NRG1: variants seen among roughly 807,000 people sequenced by gnomAD.
The protein encoded by NRG1 is pro-neuregulin-1, membrane-bound isoform.
A neutral mutation model predicts 63.8 loss-of-function variants in NRG1; 18 were observed. The observed-to-expected ratio is 0.28, with a 90% CI of 0.19 to 0.42. NRG1 has a LOEUF of 0.42. Among genes scored for constraint, NRG1 ranks in the 10% least tolerant of loss-of-function variants. The pLI, the probability that NRG1 is intolerant of heterozygous loss-of-function variation, is 1.00. For missense variants in NRG1, 762 were observed against 814.7 expected (o/e 0.94, Z 0.79); for synonymous variants, 302 against 301.3 (o/e 1.00, Z -0.02).
At chr8:32,519,816 G>A (rs1830164785) in intron 1 of NRG1, among the ~76,000 whole-genome samples, 1 of 152,104 alleles carries the variant, frequency 6.6e-6, no homozygotes, top group Non-Finnish European at 1.5e-5. Flanking sequence ...TTTGGTAAAA[G>A]TAACTTTTTC....
At chr8:32,656,671 C>A (rs748229099) in intron 5 of NRG1, among the ~76,000 whole-genome samples, 3 of 152,124 alleles carry the variant, frequency 2.0e-5, no homozygotes, top group African/African-American at 4.8e-5. Context: ...AAGTATAATA[C>A]CTTTGCTGCA....
chr8:32,153,604 C>A (rs1348257408), intron 1 of NRG1, among the ~76,000 whole-genome samples: 1 of 152,116 alleles, frequency 6.6e-6, no homozygotes, highest in Admixed American at 6.6e-5. Context: ...TGTGAATGCA[C>A]CAAATCTCAT....
chr8:32,733,680 A>G (rs544247449), intron 6 of NRG1, among the ~76,000 whole-genome samples: 13 of 152,196 alleles, frequency 8.5e-5, no homozygotes, highest in Non-Finnish European at 1.5e-4. Context: ...CAGAGAAAAT[A>G]TAAGGAATGG....
At chr8:32,171,867 G>A (rs1317236253) in intron 1 of NRG1, among the ~76,000 whole-genome samples, 1 of 152,178 alleles carries the variant, frequency 6.6e-6, no homozygotes, top group Non-Finnish European at 1.5e-5. Flanking sequence ...ACTGGGTGGA[G>A]CCAACCGCAG....
chr8:32,664,581 A>C (rs545562100), intron 5 of NRG1, among the ~76,000 whole-genome samples: 17 of 152,216 alleles, frequency 1.1e-4, no homozygotes, highest in East Asian at 1.9e-4. Context: ...CACACACACA[A>C]AAAAAACATT....
chr8:31,888,152 T>C (rs1585519924), intron 1 of NRG1, among the ~76,000 whole-genome samples: 1 of 152,040 alleles, frequency 6.6e-6, no homozygotes, highest in African/African-American at 2.4e-5. Flanking sequence ...TGTGTGTCTA[T>C]GTACAAAAAG....
intron 3 of NRG1, among the ~76,000 whole-genome samples, chr8:32,607,525 T>G (rs778553732): frequency 2.6e-5 from 4 of 152,212 alleles, no homozygotes; most frequent in Non-Finnish European, 4.4e-5. Context: ...TTTACAGGAT[T>G]AAGCAATGAA....
In NRG1 at chr8:32,605,552, G is replaced by A; in HGVS notation, c.279-10G>A. ...TATATACTGACACCACTTTGGTCCT[G>A]ATCTTATAGGAAGTCAGAACTTCGC... On this transcript the variant is annotated splice_polypyrimidine_tract_variant and intron_variant, in intron 2 of 11. Coordinates refer to ENST00000356819, the Ensembl canonical transcript of NRG1. The A allele has an allele frequency of 6.2e-7, 1 of 1,612,752 alleles. No individual in the cohort carries two copies. The highest frequency in any genetic ancestry group is 8.5e-7 in the Non-Finnish European group (1 of 1,179,150).
At chr8:32,332,748 C>A (rs180922488) in intron 1 of NRG1, among the ~76,000 whole-genome samples, 253 of 152,290 alleles carry the variant, frequency 1.7e-3, no homozygotes, top group Non-Finnish European at 1.2e-3. Context: ...GAGTCTGGCT[C>A]CACAACAGGT....
At chr8:31,911,520 T>C (rs1483407670) in intron 1 of NRG1, among the ~76,000 whole-genome samples, 3 of 152,094 alleles carry the variant, frequency 2.0e-5, no homozygotes, top group African/African-American at 7.2e-5. Flanking sequence ...CACTTATAAG[T>C]GGGAGCGAAA....
chr8:32,055,260 T>A (rs191891197), intron 1 of NRG1, among the ~76,000 whole-genome samples: 1 of 152,134 alleles, frequency 6.6e-6, no homozygotes, highest in Non-Finnish European at 1.5e-5. Flanking sequence ...TTTAGGTGAC[T>A]TTTTGTGTGT....
At chr8:31,884,913 A>C (rs2129613177) in intron 1 of NRG1, among the ~76,000 whole-genome samples, 1 of 152,292 alleles carries the variant, frequency 6.6e-6, no homozygotes, top group East Asian at 1.9e-4. Context: ...TAAAAGAGAA[A>C]AAAGACTTTT....
intron 1 of NRG1, among the ~76,000 whole-genome samples, chr8:32,396,653 G>T (rs1812473247): frequency 6.6e-6 from 1 of 152,116 alleles, no homozygotes; most frequent in Non-Finnish European, 1.5e-5. Context: ...TCACTATGTT[G>T]GTTAGGCTAG....
chr8:31,739,635 T>G (rs1293826730), intron 1 of NRG1, among the ~76,000 whole-genome samples: 1 of 152,018 alleles, frequency 6.6e-6, no homozygotes, highest in Non-Finnish European at 1.5e-5. Context: ...CATGGAGACA[T>G]GGAGTAGCAA....
chr8:31,660,376 G>A lies in NRG1; in HGVS notation c.37+20945G>A, dbSNP rs573267169. Among the ~76,000 whole-genome samples the A allele has an allele frequency of 3.3e-5, 5 of 152,300 alleles. No homozygotes were observed. In the East Asian group the frequency reaches 9.7e-4, roughly 29 times the overall value. On this transcript the variant is annotated intron_variant, in intron 1 of 10. Coordinates refer to the NRG1 transcript ENST00000519301. Reference sequence around the variant, plus strand: ...AAGGCACCTCTGCTAAGGCACATCAGGGAAATCTCTAGGGAAGATACTGAT... The same window carrying A: ...AAGGCACCTCTGCTAAGGCACATCAAGGAAATCTCTAGGGAAGATACTGAT...
At chr8:32,595,970 C>A (rs1161118182) in exon 2 of NRG1, 2 of 1,613,440 alleles carry the variant, frequency 1.2e-6, no homozygotes, top group East Asian at 2.2e-5. Flanking sequence ...ATCGAAAAAA[C>A]AAACCACAAA....
intron 1 of NRG1, among the ~76,000 whole-genome samples, chr8:32,026,875 T>C (rs1440405886): frequency 6.6e-6 from 1 of 152,184 alleles, no homozygotes; most frequent in African/African-American, 2.4e-5. Context: ...TTTAAAGTAT[T>C]CACTTTTCTC....
chr8:31,937,239 C>T (rs1801047308), intron 1 of NRG1, among the ~76,000 whole-genome samples: 1 of 152,050 alleles, frequency 6.6e-6, no homozygotes, highest in Non-Finnish European at 1.5e-5. Context: ...TGAATAAAAA[C>T]ATGTAAATAA....
At chr8:32,233,388 G>C (rs1847164073) in intron 1 of NRG1, among the ~76,000 whole-genome samples, 1 of 151,454 alleles carries the variant, frequency 6.6e-6, no homozygotes, top group South Asian at 2.1e-4. Flanking sequence ...TTATAGACGT[G>C]AGCTACCACA....
Sources: gnomAD v4.1 joint callset for allele counts (sites outside exome capture counted in the v4.1 genomes callset) on GRCh38, gnomAD v4.1.1 for gene constraint, MANE v1.5 for transcripts, NCBI Gene and HGNC (gene_info 2026-07-23, HGNC 2026-07-21) for gene names.